Variants in DNAAF5 observed in about 807,000 individuals in gnomAD.
The protein encoded by DNAAF5 is dynein axonemal assembly factor 5, also known as HEAT repeat containing 2.
Under a neutral mutation model 75.8 loss-of-function variants are expected in DNAAF5, and 64 were observed. That is an observed-to-expected ratio of 0.84 (90% CI 0.69 to 1.04). The LOEUF is 1.04. DNAAF5 is among the 50% of genes least tolerant of loss of function. The pLI, the probability that DNAAF5 is intolerant of heterozygous loss-of-function variation, is 0.00. For missense variants in DNAAF5, 1,269 were observed against 1,178.5 expected, an observed-to-expected ratio of 1.08 and a Z score of -1.12; for synonymous variants, 657 against 557.2, an observed-to-expected ratio of 1.18 and a Z score of -2.52.
intron 11 of DNAAF5, 111 bp downstream of exon 11, chr7:775,273 G>C (rs553091773): frequency 2.0e-6 from 2 of 1,001,810 alleles, no homozygotes; most frequent in East Asian, 2.5e-5. Context: ...ACTATCTCGG[G>C]CTGGGTGTGG....
chr7:764,125 TG>T, intron 8 of DNAAF5, 151 bp downstream of exon 8: 1 of 804,030 alleles, frequency 1.2e-6, no homozygotes, highest in Admixed American at 2.6e-5. Flanking sequence ...CACTCTTGCC[TG>T]GGGAGAAGCA....
intron 4 of DNAAF5, among the ~76,000 whole-genome samples, chr7:743,496 C>G (rs1583484953): frequency 6.6e-6 from 1 of 152,148 alleles, no homozygotes; most frequent in Non-Finnish European, 1.5e-5. Flanking sequence ...GTTGCTTTTC[C>G]TCCCGGTCGG....
At chr7:770,426 C>G in intron 8 of DNAAF5, 45 bp from the exon 9 acceptor site, 1 of 1,578,380 alleles carries the variant, frequency 6.3e-7, no homozygotes, top group Non-Finnish European at 8.6e-7. Flanking sequence ...GGCCTCCTCC[C>G]GTCTCCTGAG....
intron 1 of DNAAF5, among the ~76,000 whole-genome samples, chr7:729,231 T>TGGA (rs913823050): frequency 6.6e-6 from 1 of 152,200 alleles, no homozygotes; most frequent in Admixed American, 6.5e-5. Flanking sequence ...CCCAGCTTCC[T>TGGA]GGAGGAGCCT....
chr7:764,446 G>A (rs1371186879), intron 8 of DNAAF5, among the ~76,000 whole-genome samples: 2 of 152,236 alleles, frequency 1.3e-5, no homozygotes, highest in African/African-American at 4.8e-5. Context: ...CGCGGGGCAA[G>A]ATCCACTGCA....
At chr7:749,245 G>A (rs747532202) in intron 4 of DNAAF5, among the ~76,000 whole-genome samples, 8 of 152,312 alleles carry the variant, frequency 5.3e-5, no homozygotes, top group Non-Finnish European at 8.8e-5. Context: ...ACTGCCAGCC[G>A]CCAGCAGCAG....
chr7:745,696 CACGTGTGTACATGCATATCACACGT>C, intron 4 of DNAAF5, among the ~76,000 whole-genome samples: 1 of 152,342 alleles, frequency 6.6e-6, no homozygotes, highest in East Asian at 1.9e-4. Context: ...CACATCTGCA[CACGTGTGTACATGCATATCACACGT>C]ACGTGTGTGT....
At chr7:733,021 A>G (rs1022490891) in intron 2 of DNAAF5, among the ~76,000 whole-genome samples, 1 of 152,186 alleles carries the variant, frequency 6.6e-6, no homozygotes, top group African/African-American at 2.4e-5. Flanking sequence ...TCCCAGCACC[A>G]TTTATTGAAG....
At chr7:753,217 C>G (rs1442721478) in intron 4 of DNAAF5, among the ~76,000 whole-genome samples, 1 of 152,232 alleles carries the variant, frequency 6.6e-6, no homozygotes, top group Non-Finnish European at 1.5e-5. Context: ...CACAGACTTG[C>G]CCTGGACACC....
intron 2 of DNAAF5, among the ~76,000 whole-genome samples, chr7:740,441 C>A (rs1379597108): frequency 6.6e-6 from 1 of 152,210 alleles, no homozygotes; most frequent in Admixed American, 6.5e-5. Context: ...AGGCCCAGCC[C>A]GGCCAGGAGG....
At chr7:740,651 G>A (rs554350208) in intron 2 of DNAAF5, among the ~76,000 whole-genome samples, 168 bp from the exon 3 acceptor site, 3 of 152,222 alleles carry the variant, frequency 2.0e-5, no homozygotes, top group Non-Finnish European at 2.9e-5. Flanking sequence ...CCCCGGCCAC[G>A]CGCCTCTGTC....
rs1223375266 is a variant in DNAAF5, at chr7:741,365, C to T, written c.924C>T (p.Leu308=). 3 of 1,588,802 alleles carry T rather than the reference C, an allele frequency of 1.9e-6. No homozygotes were observed. Among genetic ancestry groups the T allele is most frequent in the Admixed American group, 1.8e-5 (1 of 55,630 alleles). The change falls in exon 4 of 13, where the codon CTC becomes CTT. Residue 308 remains leucine, a synonymous_variant. Coordinates refer to ENST00000297440, the MANE Select transcript of DNAAF5 (RefSeq NM_017802.4). Reference sequence around the variant, plus strand: ...GCCTCAGGCAGCTGGCTGCCAGCCTCTGGGAGGACGTTGGCCTGCAGTGGC... The same window carrying T: ...GCCTCAGGCAGCTGGCTGCCAGCCTTTGGGAGGACGTTGGCCTGCAGTGGC... ...VPEVRQLAAS[L]WEDVGLQWQK...
At chr7:751,663 T>A (rs186702742) in intron 4 of DNAAF5, among the ~76,000 whole-genome samples, 1 of 143,386 alleles carries the variant, frequency 7.0e-6, no homozygotes, top group Non-Finnish European at 1.5e-5. Context: ...AACCCCCACC[T>A]CCTGGGTTCA....
intron 2 of DNAAF5, among the ~76,000 whole-genome samples, chr7:738,417 G>A (rs1169823952): frequency 5.3e-5 from 8 of 152,140 alleles, no homozygotes; most frequent in East Asian, 1.9e-4. Flanking sequence ...ATTGGTCACC[G>A]GTGCCTTATT....
intron 8 of DNAAF5, chr7:769,243 C>G (rs778892016): frequency 1.3e-6 from 1 of 748,620 alleles, no homozygotes; most frequent in South Asian, 1.4e-5. Flanking sequence ...GTGGACGCTC[C>G]CTCTACACTG....
At chr7:751,251 G>T (rs1049612626) in intron 4 of DNAAF5, among the ~76,000 whole-genome samples, 1 of 152,116 alleles carries the variant, frequency 6.6e-6, no homozygotes, top group Admixed American at 6.6e-5. Context: ...TAATTATTTG[G>T]AACTAATTCC....
intron 12 of DNAAF5, among the ~76,000 whole-genome samples, chr7:783,880 C>T (rs190210158): frequency 9.7e-4 from 147 of 152,330 alleles, no homozygotes; most frequent in African/African-American, 3.5e-3. Context: ...ACCAGTGCCC[C>T]TGTGCACCAG....
At chr7:730,858 C>G (rs1781541496) in intron 2 of DNAAF5, among the ~76,000 whole-genome samples, 1 of 152,232 alleles carries the variant, frequency 6.6e-6, no homozygotes. Context: ...ACCATGTACG[C>G]TGGCCGGCCC....
chr7:749,481 C>A (rs1051669824), intron 4 of DNAAF5, among the ~76,000 whole-genome samples: 3 of 152,194 alleles, frequency 2.0e-5, no homozygotes, highest in Non-Finnish European at 4.4e-5. Flanking sequence ...CAGCCTTCCC[C>A]CTTCATTCTC....
Sources: gnomAD v4.1 joint callset for allele counts (sites outside exome capture counted in the v4.1 genomes callset) on GRCh38, gnomAD v4.1.1 for gene constraint, MANE v1.5 for transcripts, NCBI Gene and HGNC (gene_info 2026-07-23, HGNC 2026-07-21) for gene names.